Variants in PRR16 observed in about 807,000 individuals in gnomAD.
PRR16 encodes the protein proline rich 16.
PRR16 carries 6 observed loss-of-function variants against 18.2 expected under a neutral mutation model. The observed-to-expected ratio is 0.33, with a 90% CI of 0.18 to 0.65. The LOEUF is 0.65. Among genes scored for constraint, PRR16 ranks in the 30% least tolerant of loss-of-function variants. The probability of loss-of-function intolerance (pLI) is 0.74; values close to 1 mark genes in which losing one functional copy is unlikely to be tolerated. For missense variants in PRR16, 412 were observed against 376.6 expected (o/e 1.09, Z -0.78); for synonymous variants, 151 against 147.8 (o/e 1.02, Z -0.16).
chr5:120,500,909 A>G (rs1355753848), intron 1 of PRR16, among the ~76,000 whole-genome samples: 1 of 152,074 alleles, frequency 6.6e-6, no homozygotes, highest in African/African-American at 2.4e-5. Context: ...CTTATAAATT[A>G]GATAGAATTT....
chr5:120,540,255 G>C (rs951668018), intron 1 of PRR16, among the ~76,000 whole-genome samples: 2 of 152,164 alleles, frequency 1.3e-5, no homozygotes, highest in African/African-American at 2.4e-5. Flanking sequence ...GGCAATTGCA[G>C]AGGCCCCTGA....
chr5:120,763,133 A>T, the PRR16 span, among the ~76,000 whole-genome samples: 1 of 148,498 alleles, frequency 6.7e-6, no homozygotes, highest in Non-Finnish European at 1.5e-5. Flanking sequence ...CCTTTTGTCT[A>T]TGTGTCCATT....
At chr5:120,642,344 C>T (rs1173418268) in intron 1 of PRR16, among the ~76,000 whole-genome samples, 2 of 151,390 alleles carry the variant, frequency 1.3e-5, no homozygotes, top group Non-Finnish European at 2.9e-5. Context: ...ATTCCAATTA[C>T]ATGGAATTAA....
intron 1 of PRR16, among the ~76,000 whole-genome samples, chr5:120,536,839 A>T (rs944869362): frequency 6.6e-6 from 1 of 152,250 alleles, no homozygotes; most frequent in Non-Finnish European, 1.5e-5. Flanking sequence ...TTAAAAATAC[A>T]CATCATGGAA....
chr5:120,670,670 T>A (rs962425078), intron 1 of PRR16, among the ~76,000 whole-genome samples: 1 of 152,132 alleles, frequency 6.6e-6, no homozygotes, highest in Non-Finnish European at 1.5e-5. Flanking sequence ...AATATCATAA[T>A]GCTTGTATAC....
downstream of PRR16, among the ~76,000 whole-genome samples, chr5:120,688,912 G>T (rs527704032): frequency 6.6e-6 from 1 of 152,080 alleles, no homozygotes; most frequent in African/African-American, 2.4e-5. Flanking sequence ...TTCCAAATCC[G>T]TTTCTCTTTC....
intron 1 of PRR16, among the ~76,000 whole-genome samples, chr5:120,649,404 C>A (rs1755700760): frequency 6.6e-6 from 1 of 151,990 alleles, no homozygotes; most frequent in Non-Finnish European, 1.5e-5. Flanking sequence ...TAATTTTACC[C>A]CAGAGATGAA....
chr5:120,498,067 T>C (rs1750319261), intron 1 of PRR16, among the ~76,000 whole-genome samples: 1 of 151,296 alleles, frequency 6.6e-6, no homozygotes, highest in South Asian at 2.1e-4. Flanking sequence ...ATTTTAATTT[T>C]TGTTTTTGTG....
At chr5:120,492,772 C>T (rs1002904466) in intron 1 of PRR16, among the ~76,000 whole-genome samples, 4 of 152,100 alleles carry the variant, frequency 2.6e-5, no homozygotes, top group African/African-American at 9.7e-5. Flanking sequence ...TTGGGGTCCT[C>T]ATAGCTTAGA....
chr5:120,636,552 A>G (rs1755234157), intron 1 of PRR16, among the ~76,000 whole-genome samples: 1 of 152,164 alleles, frequency 6.6e-6, no homozygotes, highest in Non-Finnish European at 1.5e-5. Flanking sequence ...ATATTCAACA[A>G]ATGGTGTTGG....
intron 1 of PRR16, among the ~76,000 whole-genome samples, chr5:120,540,048 A>G (rs1267068342): frequency 6.6e-6 from 1 of 152,104 alleles, no homozygotes; most frequent in African/African-American, 2.4e-5. Flanking sequence ...TTTTGAGTTT[A>G]TTTTGAAACC....
chr5:120,693,379 A>G, the PRR16 span, among the ~76,000 whole-genome samples: 1 of 152,256 alleles, frequency 6.6e-6, no homozygotes, highest in Non-Finnish European at 1.5e-5. Context: ...CAATATCAAC[A>G]GAAGGATGCT....
intron 1 of PRR16, among the ~76,000 whole-genome samples, chr5:120,544,857 T>G (rs563692783): frequency 5.5e-4 from 83 of 152,204 alleles, no homozygotes; most frequent in Non-Finnish European, 1.1e-3. Context: ...TCAGTACTCT[T>G]TTGAAAAATT....
At chr5:120,505,362 G>T (rs922741904) in intron 1 of PRR16, among the ~76,000 whole-genome samples, 1 of 151,392 alleles carries the variant, frequency 6.6e-6, no homozygotes, top group Non-Finnish European at 1.5e-5. Context: ...TTACAGGGCA[G>T]GGAATAGGTT....
At chr5:120,560,321 A>C (rs1752536786) in intron 1 of PRR16, among the ~76,000 whole-genome samples, 1 of 151,788 alleles carries the variant, frequency 6.6e-6, no homozygotes, top group Admixed American at 6.6e-5. Flanking sequence ...CTCTATACCC[A>C]GTTTCTTAAG....
At position 120,670,741 on chromosome 5, in the gene PRR16, G is replaced by C. The variant is rs79332727; in HGVS notation, c.160-15213G>C. Among the ~76,000 whole-genome samples the C allele has an allele frequency of 1.4e-3, 211 of 152,204 alleles. 1 individual carries two copies. Among genetic ancestry groups the C allele is most frequent in the Middle Eastern group, 3.4e-3 (1 of 294 alleles). Reference sequence around the variant, plus strand: ...TCATGCTAAGCACACTCCCTTCATGGTTGAACCAAACTTGGTATTCTCAAG... The same window carrying C: ...TCATGCTAAGCACACTCCCTTCATGCTTGAACCAAACTTGGTATTCTCAAG... On this transcript the variant is annotated intron_variant, in intron 1 of 1. Coordinates refer to ENST00000407149, the MANE Select transcript of PRR16 (RefSeq NM_001300783.2).
intron 1 of PRR16, among the ~76,000 whole-genome samples, chr5:120,533,751 T>C (rs1442225183): frequency 1.3e-5 from 2 of 152,212 alleles, no homozygotes; most frequent in African/African-American, 2.4e-5. Context: ...GTCCGCTGGC[T>C]GTTGCAATCC....
chr5:120,532,186 T>C (rs6862090), intron 1 of PRR16, among the ~76,000 whole-genome samples: 61,575 of 152,012 alleles, frequency 0.41, 14,171 homozygotes, highest in African/African-American at 0.63. Flanking sequence ...TTCTTAGGCA[T>C]GATTACACAG....
chr5:120,679,706 G>A (rs989496573), intron 1 of PRR16, among the ~76,000 whole-genome samples: 4 of 151,970 alleles, frequency 2.6e-5, no homozygotes, highest in Non-Finnish European at 5.9e-5. Context: ...TGCCACACAC[G>A]GATGGACTTG....
Sources: gnomAD v4.1 joint callset for allele counts (sites outside exome capture counted in the v4.1 genomes callset) on GRCh38, gnomAD v4.1.1 for gene constraint, MANE v1.5 for transcripts, NCBI Gene and HGNC (gene_info 2026-07-23, HGNC 2026-07-21) for gene names.